Variants in ARNT2 observed in about 807,000 individuals in gnomAD.
ARNT2 encodes the protein ARNT protein 2.
Under a neutral mutation model 91.7 loss-of-function variants are expected in ARNT2, and 36 were observed. That is an observed-to-expected ratio of 0.39 (90% CI 0.30 to 0.52). The LOEUF (loss-of-function observed/expected upper bound fraction) is 0.52, where lower values mean the gene tolerates loss of function less well. Ranked by LOEUF, ARNT2 falls within the 20% of genes least tolerant of loss-of-function variation. The pLI is 0.72. For synonymous variants in ARNT2, 365 were observed against 347.1 expected (o/e 1.05, Z -0.57); for missense variants, 775 against 939.3 (o/e 0.83, Z 2.29).
chr15:80,527,854 G>C (rs1897661872), intron 8 of ARNT2, among the ~76,000 whole-genome samples: 1 of 152,204 alleles, frequency 6.6e-6, no homozygotes. Context: ...ATGGCTGCTA[G>C]GGAAGATGGC....
intron 6 of ARNT2, among the ~76,000 whole-genome samples, chr15:80,511,573 T>C (rs1897342921): frequency 1.3e-5 from 2 of 150,410 alleles, no homozygotes; most frequent in African/African-American, 4.9e-5. Flanking sequence ...GAGCAGACAG[T>C]TGGACATGTA....
At chr15:80,565,334 A>G (rs1021977181) in intron 12 of ARNT2, among the ~76,000 whole-genome samples, 1 of 152,184 alleles carries the variant, frequency 6.6e-6, no homozygotes, top group Non-Finnish European at 1.5e-5. Context: ...TCTTTTTGGT[A>G]GAACAATTTA....
At chr15:80,434,673 C>T (rs1033788515) in intron 1 of ARNT2, among the ~76,000 whole-genome samples, 3 of 151,746 alleles carry the variant, frequency 2.0e-5, no homozygotes, top group Admixed American at 6.6e-5. Flanking sequence ...AAGAGAAAAT[C>T]GGCAAGTGAG....
intron 5 of ARNT2, among the ~76,000 whole-genome samples, chr15:80,485,395 G>A (rs1391092394): frequency 6.6e-6 from 1 of 152,120 alleles, no homozygotes; most frequent in Non-Finnish European, 1.5e-5. Context: ...TAACTAACTT[G>A]GTGCAAGACA....
chr15:80,465,779 G>A lies in ARNT2; in HGVS notation c.195-4439G>A, dbSNP rs556191909. Among the ~76,000 whole-genome samples, 166 of 152,308 alleles carry A rather than the reference G, an allele frequency of 1.1e-3. 1 individual carries two copies. Among genetic ancestry groups the A allele is most frequent in the South Asian group, 4.6e-3 (22 of 4,828 alleles). ...CGTGGCTCCTCTCAGCCAGGCCTGC[G>A]TGGGGACTTTCAGTGTCCCATGTCC... On this transcript the variant is annotated intron_variant, in intron 3 of 18. Coordinates refer to ENST00000303329, the MANE Select transcript of ARNT2 (RefSeq NM_014862.4).
intron 1 of ARNT2, among the ~76,000 whole-genome samples, chr15:80,439,901 C>T (rs1487832718): frequency 2.0e-5 from 3 of 152,238 alleles, no homozygotes; most frequent in Non-Finnish European, 2.9e-5. Flanking sequence ...GTGAACCCTT[C>T]ACCATCCCAT....
At chr15:80,535,339 G>T (rs1275237833) in intron 8 of ARNT2, among the ~76,000 whole-genome samples, 1 of 152,166 alleles carries the variant, frequency 6.6e-6, no homozygotes. Flanking sequence ...ATGGGTAAAG[G>T]CCTCTTAAAC....
intron 12 of ARNT2, among the ~76,000 whole-genome samples, chr15:80,570,121 A>C (rs1898559306): frequency 6.6e-6 from 1 of 152,248 alleles, no homozygotes; most frequent in Non-Finnish European, 1.5e-5. Flanking sequence ...GGCCAGAGTA[A>C]AAAGACCGCA....
chr15:80,568,827 C>G (rs573633509), intron 12 of ARNT2, among the ~76,000 whole-genome samples: 1 of 152,350 alleles, frequency 6.6e-6, no homozygotes, highest in South Asian at 2.1e-4. Flanking sequence ...GAGGCCTTTG[C>G]CGTCTCACAA....
At chr15:80,405,793 TA>T (rs1243156330) in intron 1 of ARNT2, among the ~76,000 whole-genome samples, 1 of 152,106 alleles carries the variant, frequency 6.6e-6, no homozygotes, top group Non-Finnish European at 1.5e-5. Context: ...GACCAGGCTT[TA>T]AAGGACAGAC....
chr15:80,532,477 A>G (rs1274571461), intron 8 of ARNT2, among the ~76,000 whole-genome samples: 2 of 152,070 alleles, frequency 1.3e-5, no homozygotes, highest in African/African-American at 2.4e-5. Context: ...CACCATCTCA[A>G]ATATAAAGAT....
intron 12 of ARNT2, among the ~76,000 whole-genome samples, chr15:80,564,238 C>A (rs35807265): frequency 0.4 from 60,767 of 151,718 alleles, 12,743 homozygotes; most frequent in Non-Finnish European, 0.47. Flanking sequence ...CCTACCACCT[C>A]TTCTTCCTCA....
rs546293719 is a variant in ARNT2 at position 80,546,386 on chromosome 15, G to A, written c.878-4813G>A. ...CATCTGATAGGCCAGAGCCATGTCA[G>A]TTGAACACCTCTAACTCTAATGGAG... On this transcript the variant is annotated intron_variant, in intron 8 of 18. Transcript: ENST00000303329. 3.9e-5 allele frequency among the ~76,000 whole-genome samples: 6 copies of A among 152,332 alleles called. No homozygotes were observed. The South Asian group carries it at 1.2e-3, about 32-fold the overall frequency.
chr15:80,565,799 T>C (rs1023228532), intron 12 of ARNT2, among the ~76,000 whole-genome samples: 1 of 152,210 alleles, frequency 6.6e-6, no homozygotes, highest in African/African-American at 2.4e-5. Flanking sequence ...AAATGCATAG[T>C]TGGCAAATAT....
chr15:80,420,021 C>T (rs1295968669), intron 1 of ARNT2, among the ~76,000 whole-genome samples: 1 of 152,130 alleles, frequency 6.6e-6, no homozygotes, highest in Admixed American at 6.5e-5. Flanking sequence ...GGTCACAGCA[C>T]CCGCACCTCC....
At chr15:80,469,131 T>A (rs891511944) in intron 3 of ARNT2, among the ~76,000 whole-genome samples, 21 of 152,220 alleles carry the variant, frequency 1.4e-4, no homozygotes, top group Non-Finnish European at 2.6e-4. Context: ...AATTCTTTTA[T>A]CCCAAGTAAC....
intron 8 of ARNT2, among the ~76,000 whole-genome samples, chr15:80,537,780 G>A (rs1897849204): frequency 6.6e-6 from 1 of 152,256 alleles, no homozygotes; most frequent in Non-Finnish European, 1.5e-5. Context: ...ATCCCTGGCA[G>A]GAGGGGTTGC....
chr15:80,480,948 C>G (rs990066748), intron 5 of ARNT2, among the ~76,000 whole-genome samples: 1 of 152,212 alleles, frequency 6.6e-6, no homozygotes. Flanking sequence ...TTGCGATCAG[C>G]CTCTCCTTCC....
intron 8 of ARNT2, among the ~76,000 whole-genome samples, chr15:80,546,837 C>T (rs954100551): frequency 3.9e-5 from 6 of 152,016 alleles, no homozygotes; most frequent in Admixed American, 6.5e-5. Flanking sequence ...GTGGCAGGCG[C>T]CTGTAATCCC....
Sources: allele counts gnomAD v4.1 joint callset (sites outside exome capture counted in the v4.1 genomes callset), GRCh38; gene constraint gnomAD v4.1.1; transcripts MANE v1.5; gene names NCBI Gene and HGNC (gene_info 2026-07-23, HGNC 2026-07-21).